The following OTOGL variants were observed in gnomAD, a reference collection of about 807,000 sequenced individuals.
OTOGL encodes otogelin like, also known as otogelin-like protein.
OTOGL carries 285 observed loss-of-function variants against 318.5 expected under a neutral mutation model. That is an observed-to-expected ratio of 0.89 (90% CI 0.81 to 0.99). The LOEUF is 0.99. OTOGL is among the 50% of genes least tolerant of loss of function. The pLI, the probability that OTOGL is intolerant of heterozygous loss-of-function variation, is 0.00. For missense variants in OTOGL, 2,899 were observed against 2,845.6 expected (o/e 1.02, Z -0.43); for synonymous variants, 987 against 936.5 (o/e 1.05, Z -0.99).
chr12:80,348,021 G>A (rs1011649421), intron 44 of OTOGL, among the ~76,000 whole-genome samples: 1 of 151,956 alleles, frequency 6.6e-6, no homozygotes, highest in East Asian at 1.9e-4. Flanking sequence ...CTGGATATTA[G>A]CCCTTTGTCA....
intron 44 of OTOGL, among the ~76,000 whole-genome samples, chr12:80,351,361 G>C (rs1889537233): frequency 1.3e-5 from 2 of 152,024 alleles, no homozygotes; most frequent in Admixed American, 1.3e-4. Flanking sequence ...CTGTTGCCAG[G>C]CTGGAGCACA....
At chr12:80,204,728 A>G (rs1296188062) in intron 1 of OTOGL, among the ~76,000 whole-genome samples, 1 of 152,138 alleles carries the variant, frequency 6.6e-6, no homozygotes, top group African/African-American at 2.4e-5. Flanking sequence ...GAATAAGTTC[A>G]CTAGAATGTA....
intron 1 of OTOGL, among the ~76,000 whole-genome samples, chr12:80,124,847 A>G (rs928815871): frequency 5.1e-4 from 78 of 152,052 alleles, no homozygotes; most frequent in Non-Finnish European, 7.9e-4. Context: ...TTTGTCTGTT[A>G]TTGGTGTATA....
At chr12:80,362,446 T>C (rs1890294188) in intron 52 of OTOGL, among the ~76,000 whole-genome samples, 1 of 152,140 alleles carries the variant, frequency 6.6e-6, no homozygotes, top group Admixed American at 6.6e-5. Context: ...TTGCTCAAGA[T>C]TGCTTTGGCT....
chr12:80,149,542 A>C, intron 1 of OTOGL, among the ~76,000 whole-genome samples: 1 of 152,142 alleles, frequency 6.6e-6, no homozygotes, highest in Non-Finnish European at 1.5e-5. Flanking sequence ...CCCTGCCCCC[A>C]GAGGTGGAGC....
In OTOGL at chr12:80,356,878, C is replaced by G. The variant is rs779580098; in HGVS notation, c.5983C>G (p.Arg1995Gly). Reference sequence around the variant, plus strand: ...AGAAGATCAATTCATGATTCAAGTTCGACAGGAAGAACCTTGTTGTTTTTC... The same window carrying G: ...AGAAGATCAATTCATGATTCAAGTTGGACAGGAAGAACCTTGTTGTTTTTC... ...CREDQFMIQV[R>G]QEEPCCFSPF... The change falls in exon 49 of 59, where the codon CGA becomes GGA. Residue 1995 changes from arginine to glycine, a missense_variant. This residue lies in a region of OTOGL where 2,607 missense variants were observed against 2,524.9 expected (regional missense o/e 1.03). Transcript: ENST00000547103. 1 of 1,599,386 alleles carries G rather than the reference C, an allele frequency of 6.3e-7. No homozygotes were observed.
intron 43 of OTOGL, among the ~76,000 whole-genome samples, chr12:80,339,721 A>G (rs537224902): frequency 6.6e-6 from 1 of 152,194 alleles, no homozygotes; most frequent in South Asian, 2.1e-4. Flanking sequence ...GAAATCAGGG[A>G]AAACTTGTTT....
intron 1 of OTOGL, among the ~76,000 whole-genome samples, chr12:80,135,474 C>T (rs549745606): frequency 2.0e-5 from 3 of 151,940 alleles, no homozygotes; most frequent in East Asian, 3.9e-4. Flanking sequence ...AGTTTCACCA[C>T]GTTTGTCAGG....
chr12:80,220,412 A>G (rs1592563667), intron 6 of OTOGL, among the ~76,000 whole-genome samples: 2 of 151,808 alleles, frequency 1.3e-5, no homozygotes, highest in South Asian at 4.2e-4. Flanking sequence ...TCCCATCTTG[A>G]CCTCCCAAAG....
intron 7 of OTOGL, among the ~76,000 whole-genome samples, chr12:80,226,756 T>C (rs11834630): frequency 0.022 from 3,363 of 152,266 alleles, 130 homozygotes; most frequent in African/African-American, 0.076. Context: ...GGCCAGTGTT[T>C]GTAGTGGTGA....
At position 80,256,324 on chromosome 12, in the gene OTOGL, G is replaced by T. The variant is rs745726124; in HGVS notation, c.1588-13G>T. 10 of 1,590,068 alleles carry T rather than the reference G, an allele frequency of 6.3e-6. No individual in the cohort carries two copies. The highest frequency in any genetic ancestry group is 2.2e-5 in the South Asian group (2 of 90,282). On this transcript the variant is annotated splice_polypyrimidine_tract_variant and intron_variant, in intron 16 of 58. Coordinates refer to ENST00000547103, the MANE Select transcript of OTOGL (RefSeq NM_001378609.3). Reference sequence around the variant, plus strand: ...CTCCCATTCCTTGCATTGATAATTTGATTTTTACGCAGAATCTTGGCTTGG... The same window carrying T: ...CTCCCATTCCTTGCATTGATAATTTTATTTTTACGCAGAATCTTGGCTTGG...
At position 80,265,190 on chromosome 12, in the gene OTOGL, GA is replaced by G. The variant is rs774071054; in HGVS notation, c.2206del (p.Thr736LeufsTer94). ...CGQHGVPIDF[R>X]TQISFCAVVC... ...CAGCACGGTGTTCCCATTGATTTCA[GA>G]ACTCAGATTTCTTTCTGTGGTGAGT... On this transcript the variant is annotated frameshift_variant, in exon 20 of 59. Coordinates refer to ENST00000547103, the MANE Select transcript of OTOGL (RefSeq NM_001378609.3). LOFTEE classifies it high-confidence loss of function. The G allele has an allele frequency of 2.5e-6, 4 of 1,613,472 alleles. No individual in the cohort carries two copies. The East Asian group carries it at 8.9e-5, about 36-fold the overall frequency.
At chr12:80,368,784 G>A (rs1021495484) in intron 55 of OTOGL, among the ~76,000 whole-genome samples, 4 of 150,046 alleles carry the variant, frequency 2.7e-5, no homozygotes, top group Non-Finnish European at 4.4e-5. Context: ...TTACTGATCT[G>A]TAAGGAATCT....
At chr12:80,102,689 A>G (rs1869211007) in intron 1 of OTOGL, among the ~76,000 whole-genome samples, 1 of 152,074 alleles carries the variant, frequency 6.6e-6, no homozygotes, top group Admixed American at 6.6e-5. Context: ...TGTTTGAAAA[A>G]TATGTCAGAC....
Position 80,323,816 on chromosome 12 carries a change from C to T in OTOGL, c.4175C>T (p.Ala1392Val). The change falls in exon 35 of 59, where the codon GCA (alanine) becomes GTA (valine). Residue 1392 changes from alanine to valine, a missense_variant. Physicochemically the swap from Ala to Val is moderately conservative, Grantham distance 64. This residue lies in a region of OTOGL where 2,607 missense variants were observed against 2,524.9 expected (regional missense o/e 1.03). Coordinates refer to ENST00000547103, the MANE Select transcript of OTOGL (RefSeq NM_001378609.3). ...PCFKTCSDPE[A>V]LACKFLPPVE... ...TTTAAAACATGTAGTGACCCTGAAG[C>T]ACTAGCATGTAAATTTCTTCCACCG... 6.2e-7 allele frequency: 1 copy of T among 1,612,438 alleles called. No individual in the cohort carries two copies. The highest frequency in any genetic ancestry group is 8.5e-7 in the Non-Finnish European group (1 of 1,178,532).
chr12:80,208,582 A>G (rs898324038), intron 1 of OTOGL, among the ~76,000 whole-genome samples: 1 of 152,172 alleles, frequency 6.6e-6, no homozygotes, highest in Non-Finnish European at 1.5e-5. Flanking sequence ...ATTATGACAT[A>G]TTAGAGCTCT....
At chr12:80,255,787 A>G (rs1881980593) in intron 16 of OTOGL, among the ~76,000 whole-genome samples, 1 of 151,954 alleles carries the variant, frequency 6.6e-6, no homozygotes, top group African/African-American at 2.4e-5. Context: ...CAAAATATTT[A>G]ATTTTTTAGT....
intron 1 of OTOGL, among the ~76,000 whole-genome samples, chr12:80,131,348 A>T (rs1051510934): frequency 3.9e-5 from 6 of 152,230 alleles, no homozygotes; most frequent in African/African-American, 1.4e-4. Context: ...AAGAGTATAC[A>T]TGCTGGAGGC....
At chr12:80,372,512 G>A (rs1405654932) in intron 57 of OTOGL, among the ~76,000 whole-genome samples, 19 of 152,050 alleles carry the variant, frequency 1.2e-4, no homozygotes, top group Admixed American at 1.2e-3. Flanking sequence ...TATGGGTGCA[G>A]TATTTTTCAA....
Sources: allele counts gnomAD v4.1 joint callset (sites outside exome capture counted in the v4.1 genomes callset), GRCh38; gene constraint gnomAD v4.1.1; regional missense constraint gnomAD v4.1.1; transcripts MANE v1.5; gene names NCBI Gene and HGNC (gene_info 2026-07-23, HGNC 2026-07-21).